Variants in PCDHA5 observed in about 807,000 individuals in gnomAD.
The protein encoded by PCDHA5 is protocadherin alpha 5, also known as protocadherin alpha-5.
PCDHA5 carries 43 observed loss-of-function variants against 61.6 expected under a neutral mutation model. The observed-to-expected ratio is 0.70, with a 90% CI of 0.55 to 0.90. PCDHA5 has a LOEUF of 0.90. PCDHA5 is among the 40% of genes least tolerant of loss of function. The pLI, the probability that PCDHA5 is intolerant of heterozygous loss-of-function variation, is 0.00. For synonymous variants in PCDHA5, 627 were observed against 543.9 expected, an observed-to-expected ratio of 1.15 and a Z score of -2.13; for missense variants, 1,298 against 1,222.7, an observed-to-expected ratio of 1.06 and a Z score of -0.92.
rs1019397100 is a variant in PCDHA5, at chr5:140,953,409, G to A, written c.2353-25540G>A. On this transcript the variant is annotated intron_variant, in intron 1 of 3. Transcript: ENST00000529859. ...TGTGGATTACAGTGCTGTTGCTCCTGGCTCCTCCCCTTTGTCCTTAAGCTG... is the reference window on the plus strand; with the variant it reads ...TGTGGATTACAGTGCTGTTGCTCCTAGCTCCTCCCCTTTGTCCTTAAGCTG... Among the ~76,000 whole-genome samples, 14 of 152,194 alleles carry A rather than the reference G, an allele frequency of 9.2e-5. No individual in the cohort carries two copies. The South Asian group carries it at 2.9e-3, about 32-fold the overall frequency.
At chr5:140,926,819 C>G in intron 1 of PCDHA5, 1 of 1,493,950 alleles carries the variant, frequency 6.7e-7, no homozygotes, top group Non-Finnish European at 8.9e-7. Context: ...CTCGTGCTCT[C>G]CAGGAGTCCG....
chr5:141,011,509 G>C lies in PCDHA5; in HGVS notation c.*1572G>C, dbSNP rs2098420853. ...TTTTGTACACCTGTGAAAAAGTGGA[G>C]TAGTGTTTTTTTAACCATTGTTAAT... is the stretch of plus-strand genomic sequence containing the variant. On this transcript the variant is annotated 3_prime_UTR_variant, in exon 4 of 4. Coordinates refer to ENST00000529859, the MANE Select transcript of PCDHA5 (RefSeq NM_018908.3). The C allele has an allele frequency of 6.5e-6, 1 of 153,760 alleles. No individual in the cohort carries two copies. The highest frequency in any genetic ancestry group is 1.5e-5 in the Non-Finnish European group (1 of 68,040). The allele number at this position is 153,760 out of a possible 1,614,324, so 9.5% of individuals were successfully genotyped here.
chr5:140,850,680 G>A lies in PCDHA5; in HGVS notation c.2352+26553G>A, dbSNP rs2150493615. 22 of 1,598,518 alleles carry A rather than the reference G, an allele frequency of 1.4e-5. 2 individuals carry two copies. In the East Asian group the frequency reaches 4.5e-4, roughly 32 times the overall value. ...GCTGCGGTGCTCGGCGATGCCCACC[G>A]AGGGCGAGTGCGCGCCTGGCAAGCC... On this transcript the variant is annotated intron_variant, in intron 1 of 3. Transcript: ENST00000529859.
intron 1 of PCDHA5, among the ~76,000 whole-genome samples, chr5:140,826,430 C>A (rs2150079400): frequency 6.6e-6 from 1 of 152,162 alleles, no homozygotes; most frequent in Admixed American, 6.5e-5. Context: ...TAGAATTTCA[C>A]ATGGAAGAAA....
intron 1 of PCDHA5, among the ~76,000 whole-genome samples, chr5:140,930,742 A>G (rs2087064675): frequency 6.6e-6 from 1 of 152,216 alleles, no homozygotes; most frequent in Non-Finnish European, 1.5e-5. Context: ...AATAAAATAA[A>G]TTTACATATG....
At chr5:140,850,283 A>G (rs143335350) in intron 1 of PCDHA5, 3 of 1,595,592 alleles carry the variant, frequency 1.9e-6, no homozygotes, top group Non-Finnish European at 2.6e-6. Context: ...AGGTGCGCGC[A>G]GTGGACGCCG....
At chr5:140,927,193 C>G in intron 1 of PCDHA5, 1 of 1,614,186 alleles carries the variant, frequency 6.2e-7, no homozygotes, top group South Asian at 1.1e-5. Context: ...CGACCTGGTG[C>G]TCGAGGACCC....
intron 1 of PCDHA5, chr5:140,862,626 C>A: frequency 1.9e-6 from 1 of 532,422 alleles, no homozygotes; most frequent in South Asian, 1.4e-5. Flanking sequence ...ACCCGCGGGG[C>A]TGCCACGACT....
chr5:140,823,540 G>T lies in PCDHA5; in HGVS notation c.1765G>T (p.Val589Leu), dbSNP rs1767756173. 1.9e-6 allele frequency: 3 copies of T among 1,613,850 alleles called. No individual in the cohort carries two copies. Among genetic ancestry groups the T allele is most frequent in the Non-Finnish European group, 1.7e-6 (2 of 1,179,884 alleles). Residue 589 changes from valine to leucine, a missense_variant, in exon 1 of 4, where the codon GTG becomes TTG. By Grantham distance (32) the Val-to-Leu change is conservative (BLOSUM62 1). Coordinates refer to ENST00000529859, the MANE Select transcript of PCDHA5 (RefSeq NM_018908.3). ...GCCGAGGTCAGTGGGTGCGGGCCAC[G>T]TGGTGGCGAAGGTGCGCGCAGTGGA... ...LVPRSVGAGH[V>L]VAKVRAVDPD...
At position 140,869,199 on chromosome 5, in the gene PCDHA5, C is replaced by G. The variant is rs1315511579; in HGVS notation, c.2352+45072C>G. 8 of 1,613,906 alleles carry G rather than the reference C, an allele frequency of 5.0e-6. No individual in the cohort carries two copies. In the African/African-American group the frequency reaches 1.1e-4, roughly 22 times the overall value. On this transcript the variant is annotated intron_variant, in intron 1 of 3. Coordinates refer to ENST00000529859, the MANE Select transcript of PCDHA5 (RefSeq NM_018908.3). The stretch of plus-strand genomic sequence containing the variant: ...GGGAGGTGGGGAGCGGCCAGCTCCA[C>G]TACTCCGTCTCGGAGGAGGCCAAAC...
At chr5:140,883,052 A>G (rs1554176592) in intron 1 of PCDHA5, 1 of 1,614,134 alleles carries the variant, frequency 6.2e-7, no homozygotes, top group East Asian at 2.2e-5. Flanking sequence ...AACATTAGTG[A>G]TCAAGCTAAA....
intron 1 of PCDHA5, among the ~76,000 whole-genome samples, chr5:140,833,428 T>C (rs1554133831): frequency 1.3e-5 from 2 of 152,196 alleles, no homozygotes; most frequent in African/African-American, 4.8e-5. Context: ...GTGAGATGGC[T>C]GAGCACTGAA....
chr5:140,873,191 C>T (rs1554166611), intron 1 of PCDHA5, among the ~76,000 whole-genome samples: 1 of 151,960 alleles, frequency 6.6e-6, no homozygotes, highest in African/African-American at 2.4e-5. Context: ...TATTCATTGG[C>T]TAAAAACATT....
At chr5:140,836,123 T>A (rs1214014408) in intron 1 of PCDHA5, 36 of 1,613,538 alleles carry the variant, frequency 2.2e-5, no homozygotes, top group Non-Finnish European at 3.0e-5. Context: ...TGAGAGAGCT[T>A]GTGCCGCGGT....
chr5:140,978,140 T>C (rs1379052059), intron 1 of PCDHA5, among the ~76,000 whole-genome samples: 2 of 152,222 alleles, frequency 1.3e-5, no homozygotes, highest in Non-Finnish European at 2.9e-5. Flanking sequence ...ATTTTCCTCT[T>C]TGTTCTCCCC....
At chr5:140,943,761 A>T (rs1219179710) in intron 1 of PCDHA5, among the ~76,000 whole-genome samples, 1 of 152,248 alleles carries the variant, frequency 6.6e-6, no homozygotes, top group Non-Finnish European at 1.5e-5. Context: ...TAGGAGATGT[A>T]GGAAAAAAAC....
chr5:140,929,736 T>A, intron 1 of PCDHA5: 1 of 201,874 alleles, frequency 5.0e-6, no homozygotes, highest in Non-Finnish European at 1.1e-5. Context: ...CTTAAACTAT[T>A]GCAATGCATT....
In PCDHA5 at chr5:140,848,792, C is replaced by T; in HGVS notation, c.2352+24665C>T. 3.8e-6 allele frequency: 6 copies of T among 1,592,840 alleles called. 1 individual carries two copies. Among genetic ancestry groups the T allele is most frequent in the Non-Finnish European group, 5.2e-6 (6 of 1,163,812 alleles). On this transcript the variant is annotated intron_variant, in intron 1 of 3. Coordinates refer to ENST00000529859, the MANE Select transcript of PCDHA5 (RefSeq NM_018908.3). ...ACCGCGAGGAGCTGTGCGGGCGGAG[C>T]GCGGAGTGCAGCATCCACCTGGAGG... is the stretch of plus-strand genomic sequence containing the variant.
At chr5:140,979,129 A>T (rs1316213932) in intron 2 of PCDHA5, 122 bp downstream of exon 2, 1 of 1,477,514 alleles carries the variant, frequency 6.8e-7, no homozygotes, top group Non-Finnish European at 9.0e-7. Flanking sequence ...CTTTGCCAGG[A>T]AAATGCAATT....
Sources: gnomAD v4.1 joint callset for allele counts (sites outside exome capture counted in the v4.1 genomes callset) on GRCh38, gnomAD v4.1.1 for gene constraint, MANE v1.5 for transcripts, NCBI Gene and HGNC (gene_info 2026-07-23, HGNC 2026-07-21) for gene names.